The following RNF220 variants were observed in gnomAD, a reference collection of about 807,000 sequenced individuals.
The protein encoded by RNF220 is ring finger protein 220.
RNF220 carries 7 observed loss-of-function variants against 67.1 expected under a neutral mutation model. The observed-to-expected ratio is 0.10, with a 90% CI of 0.06 to 0.20. The LOEUF is 0.20. Among genes scored for constraint, RNF220 ranks in the 10% least tolerant of loss-of-function variants. RNF220 has a pLI of 1.00. For missense variants in RNF220, 565 were observed against 740.3 expected (o/e 0.76, Z 2.75); for synonymous variants, 270 against 283.2 (o/e 0.95, Z 0.47).
intron 2 of RNF220, among the ~76,000 whole-genome samples, chr1:44,518,350 G>A (rs911645255): frequency 1.3e-5 from 2 of 152,102 alleles, no homozygotes; most frequent in African/African-American, 2.4e-5. Flanking sequence ...GCTTGAGCTC[G>A]GGAGTTGGAG....
chr1:44,498,778 T>TAG (rs1657571373), intron 2 of RNF220, among the ~76,000 whole-genome samples: 1 of 152,170 alleles, frequency 6.6e-6, no homozygotes. Flanking sequence ...TCGGTAGGTC[T>TAG]AGAGACCCCC....
intron 2 of RNF220, among the ~76,000 whole-genome samples, chr1:44,479,847 A>C (rs1334491059): frequency 6.6e-6 from 1 of 152,178 alleles, no homozygotes; most frequent in Non-Finnish European, 1.5e-5. Flanking sequence ...TTAGTGCTTC[A>C]TCAAATACAG....
intron 2 of RNF220, among the ~76,000 whole-genome samples, chr1:44,559,723 A>C (rs1377976746): frequency 6.6e-6 from 1 of 152,176 alleles, no homozygotes; most frequent in Non-Finnish European, 1.5e-5. Context: ...TGTGCGAGGG[A>C]GCTTTGGAAG....
intron 2 of RNF220, among the ~76,000 whole-genome samples, chr1:44,526,525 C>T (rs1660390384): frequency 6.6e-6 from 1 of 152,164 alleles, no homozygotes. Flanking sequence ...GCACTTTTGT[C>T]CTAACTCAGT....
At chr1:44,625,041 GAGAGA>G (rs1643899119) in intron 4 of RNF220, among the ~76,000 whole-genome samples, 1 of 151,826 alleles carries the variant, frequency 6.6e-6, no homozygotes, top group Non-Finnish European at 1.5e-5. Context: ...GAGAGAGAGA[GAGAGA>G]GAGAGAGAGA....
intron 2 of RNF220, among the ~76,000 whole-genome samples, chr1:44,583,476 C>T (rs1265249845): frequency 6.6e-6 from 1 of 152,212 alleles, no homozygotes; most frequent in Non-Finnish European, 1.5e-5. Context: ...TGAAGTTCAG[C>T]ATGTCCCAGC....
In RNF220 at chr1:44,632,062, C is replaced by G. The variant is rs951074376; in HGVS notation, c.907-281C>G. The G allele has an allele frequency of 3.8e-5, 43 of 1,122,586 alleles. No homozygotes were observed. In the African/African-American group the frequency reaches 6.3e-4, roughly 16 times the overall value. 69.5% of individuals were successfully genotyped at this position (1,122,586 alleles called of 1,614,324 possible). A position where few individuals can be genotyped will look rare whatever the true frequency, so the allele number is the denominator to read the frequency against. On this transcript the variant is annotated intron_variant, in intron 5 of 14. Coordinates refer to ENST00000361799, the MANE Select transcript of RNF220 (RefSeq NM_018150.4). Reference sequence around the variant, plus strand: ...CGCCCGCATCGCCGCCCTCGCCGGCCGGGCGGCCGTGGGGCCCAGAGCGCC... The same window carrying G: ...CGCCCGCATCGCCGCCCTCGCCGGCGGGGCGGCCGTGGGGCCCAGAGCGCC...
intron 2 of RNF220, among the ~76,000 whole-genome samples, chr1:44,467,827 A>G (rs1331861381): frequency 2.6e-5 from 4 of 152,178 alleles, no homozygotes; most frequent in Non-Finnish European, 5.9e-5. Context: ...TACTGAGCGT[A>G]GTCATTTCCA....
intron 2 of RNF220, among the ~76,000 whole-genome samples, chr1:44,449,815 G>A (rs1652485059): frequency 6.6e-6 from 1 of 152,186 alleles, no homozygotes; most frequent in South Asian, 2.1e-4. Context: ...AAGTCACAGA[G>A]ATGAATACTT....
chr1:44,566,316 G>T (rs1283240208), intron 2 of RNF220, among the ~76,000 whole-genome samples: 1 of 152,200 alleles, frequency 6.6e-6, no homozygotes, highest in African/African-American at 2.4e-5. Context: ...CAACAAGGAA[G>T]GGGGCTGAGG....
At chr1:44,536,751 C>A (rs1434787186) in intron 2 of RNF220, among the ~76,000 whole-genome samples, 1 of 152,112 alleles carries the variant, frequency 6.6e-6, no homozygotes, top group African/African-American at 2.4e-5. Flanking sequence ...AAGGGGAATT[C>A]GAAACAACTG....
rs746661711 is a variant in RNF220, at chr1:44,645,428, A to G, written c.1385A>G (p.Asn462Ser). Residue 462 changes from asparagine to serine, a missense_variant, in exon 12 of 15, where the codon AAT becomes AGT. Asn to Ser is a conservative substitution (Grantham distance 46). Coordinates refer to ENST00000361799, the MANE Select transcript of RNF220 (RefSeq NM_018150.4). The surrounding 1 kb of genome is among the most constrained non-coding windows in gnomAD (Gnocchi z 5.0). ...CCAGCAGAGATGCCATCCACCAGCAATGGTGAAAGCAGCAAGCAGGAGGCC... is the reference window on the plus strand; with the variant it reads ...CCAGCAGAGATGCCATCCACCAGCAGTGGTGAAAGCAGCAAGCAGGAGGCC... ...WASDEMPSTS[N>S]GESSKQEAMQ... 2.2e-5 allele frequency: 35 copies of G among 1,613,844 alleles called. No individual in the cohort carries two copies. The Middle Eastern group carries it at 4.9e-4, about 23-fold the overall frequency.
At chr1:44,501,726 T>C (rs781793) in intron 2 of RNF220, among the ~76,000 whole-genome samples, 150,355 of 152,138 alleles carry the variant, frequency 0.99, 74,321 homozygotes, top group Middle Eastern at 1. Flanking sequence ...AGAGCACTTG[T>C]CAGGGCTGAC....
intron 2 of RNF220, among the ~76,000 whole-genome samples, chr1:44,454,156 T>C (rs1237688764): frequency 6.6e-6 from 1 of 152,202 alleles, no homozygotes; most frequent in East Asian, 1.9e-4. Flanking sequence ...TCTGCTGATA[T>C]GGCAGAATGA....
chr1:44,613,910 AT>A (rs1643426388), intron 2 of RNF220, among the ~76,000 whole-genome samples: 1 of 152,154 alleles, frequency 6.6e-6, no homozygotes, highest in African/African-American at 2.4e-5. Context: ...AGAAAAAAAA[AT>A]AGACATCCCA....
In RNF220 at chr1:44,615,175, G is replaced by A. The variant is rs953449897; in HGVS notation, c.758+878G>A. On this transcript the variant is annotated intron_variant, in intron 3 of 14. Transcript: ENST00000361799. ...GGCTTCCTCATAGCTTGCCAACCTC[G>A]GGATGGTTGGACTTCTTGCATGGCA... Among the ~76,000 whole-genome samples the A allele has an allele frequency of 5.3e-5, 8 of 152,120 alleles. No homozygotes were observed. The East Asian group carries it at 5.8e-4, about 11-fold the overall frequency.
chr1:44,632,410 C>T, intron 6 of RNF220, 25 bp downstream of exon 6: 1 of 1,587,986 alleles, frequency 6.3e-7, no homozygotes, highest in Non-Finnish European at 8.6e-7. Flanking sequence ...GCCCCTCCCT[C>T]CGCCCCACCC....
intron 2 of RNF220, among the ~76,000 whole-genome samples, chr1:44,548,272 G>A (rs955573933): frequency 4.6e-5 from 7 of 151,856 alleles, no homozygotes; most frequent in Admixed American, 1.3e-4. Flanking sequence ...TCTCCCTGCC[G>A]TCCATCCTCC....
intron 2 of RNF220, among the ~76,000 whole-genome samples, chr1:44,517,660 G>A (rs1391918547): frequency 6.6e-6 from 1 of 152,210 alleles, no homozygotes; most frequent in African/African-American, 2.4e-5. Context: ...TTAGAGACCA[G>A]GGTCTTGCTC....
Sources: gnomAD v4.1 joint callset for allele counts (sites outside exome capture counted in the v4.1 genomes callset) on GRCh38, gnomAD v4.1.1 for gene constraint, Gnocchi (gnomAD v3.1) non-coding constraint, MANE v1.5 for transcripts, NCBI Gene and HGNC (gene_info 2026-07-23, HGNC 2026-07-21) for gene names.